Variants in ZNF565 observed in about 807,000 individuals in gnomAD.
ZNF565 encodes the protein zinc finger protein 565.
A neutral mutation model predicts 39.4 loss-of-function variants in ZNF565; 27 were observed. That is an observed-to-expected ratio of 0.69 (90% CI 0.51 to 0.95). The LOEUF (loss-of-function observed/expected upper bound fraction) is 0.95, where lower values mean the gene tolerates loss of function less well. Ranked by LOEUF, ZNF565 falls within the 40% of genes least tolerant of loss-of-function variation. The probability of loss-of-function intolerance (pLI) is 0.00; values close to 1 mark genes in which losing one functional copy is unlikely to be tolerated. For missense variants in ZNF565, 524 were observed against 621.1 expected (o/e 0.84, Z 1.66); for synonymous variants, 185 against 216.6 (o/e 0.85, Z 1.28).
At chr19:36,237,377 A>C in intron 1 of ZNF565, 1 of 1,527,852 alleles carries the variant, frequency 6.5e-7, no homozygotes. Context: ...GCACCTCATC[A>C]TGCCCCAGAA....
intron 1 of ZNF565, among the ~76,000 whole-genome samples, chr19:36,242,103 A>C (rs1977810733): frequency 6.6e-6 from 1 of 152,204 alleles, no homozygotes; most frequent in South Asian, 2.1e-4. Context: ...GCAGAATGGG[A>C]GAAAATATTT....
intron 1 of ZNF565, among the ~76,000 whole-genome samples, chr19:36,230,387 G>A (rs976866589): frequency 6.6e-5 from 10 of 152,184 alleles, no homozygotes; most frequent in Non-Finnish European, 1.3e-4. Flanking sequence ...TGGGGAGACA[G>A]ACAATGAGTA....
intron 1 of ZNF565, among the ~76,000 whole-genome samples, chr19:36,224,722 A>G (rs932556769): frequency 6.6e-6 from 1 of 152,112 alleles, no homozygotes; most frequent in Admixed American, 6.5e-5. Flanking sequence ...TTTTATTGGG[A>G]TTGCATTAAA....
chr19:36,199,026 A>G (rs2145335753), intron 2 of ZNF565, among the ~76,000 whole-genome samples: 1 of 152,350 alleles, frequency 6.6e-6, no homozygotes, highest in Non-Finnish European at 1.5e-5. Flanking sequence ...GTATCACAAC[A>G]TCTCATGTAC....
chr19:36,243,063 C>T (rs1046796776), intron 1 of ZNF565, among the ~76,000 whole-genome samples: 2 of 152,058 alleles, frequency 1.3e-5, no homozygotes, highest in Admixed American at 6.6e-5. Context: ...GGCAGAATTT[C>T]GCTCTTGTCC....
In ZNF565 at chr19:36,187,065, C is replaced by G. The variant is rs548377236; in HGVS notation, c.233-3332G>C. Among the ~76,000 whole-genome samples the G allele has an allele frequency of 2.0e-5, 3 of 152,104 alleles. No individual in the cohort carries two copies. In the East Asian group the frequency reaches 5.8e-4, roughly 30 times the overall value. On this transcript the variant is annotated intron_variant, in intron 4 of 4. Coordinates refer to ENST00000304116, the MANE Select transcript of ZNF565 (RefSeq NM_152477.5). The stretch of plus-strand genomic sequence containing the variant: ...ATTATCTGGGCATGGTGGCACATGC[C>G]TGTAATTCCAGCTACTCGGGAGGCT...
intron 1 of ZNF565, among the ~76,000 whole-genome samples, chr19:36,226,988 C>G (rs1230155291): frequency 1.3e-5 from 2 of 151,934 alleles, no homozygotes; most frequent in Non-Finnish European, 2.9e-5. Flanking sequence ...GAGGCTGAGA[C>G]AGGAGAATCA....
intron 1 of ZNF565, among the ~76,000 whole-genome samples, chr19:36,244,997 TTGTTG>T (rs1283113477): frequency 6.6e-6 from 1 of 152,156 alleles, no homozygotes; most frequent in African/African-American, 2.4e-5. Context: ...GTAATTTTCA[TTGTTG>T]TGTTTTGTTT....
At chr19:36,188,768 A>C (rs1277850011) in intron 4 of ZNF565, among the ~76,000 whole-genome samples, 1 of 152,160 alleles carries the variant, frequency 6.6e-6, no homozygotes, top group Non-Finnish European at 1.5e-5. Flanking sequence ...GTGAATAAAC[A>C]AAGTGTGTAT....
intron 1 of ZNF565, among the ~76,000 whole-genome samples, chr19:36,225,871 C>G (rs1977046038): frequency 6.6e-6 from 1 of 150,952 alleles, no homozygotes; most frequent in Non-Finnish European, 1.5e-5. Context: ...AGCAGTCCTC[C>G]TGCTTCAGGC....
chr19:36,212,650 C>T (rs991758036), intron 1 of ZNF565, among the ~76,000 whole-genome samples: 3 of 151,358 alleles, frequency 2.0e-5, no homozygotes, highest in Non-Finnish European at 4.4e-5. Context: ...AATGGGAATT[C>T]TATTGTTGCT....
At chr19:36,228,182 G>T (rs926491204) in intron 1 of ZNF565, among the ~76,000 whole-genome samples, 5 of 143,850 alleles carry the variant, frequency 3.5e-5, no homozygotes, top group Non-Finnish European at 7.6e-5. Context: ...AAAAAAGAAA[G>T]AATTTCACTC....
intron 4 of ZNF565, among the ~76,000 whole-genome samples, chr19:36,188,403 A>G (rs966293574): frequency 1.3e-5 from 2 of 151,152 alleles, no homozygotes; most frequent in African/African-American, 2.4e-5. Context: ...AAAACAAAAA[A>G]CAAACAACTC....
At chr19:36,222,533 T>C (rs995524839) in intron 1 of ZNF565, among the ~76,000 whole-genome samples, 1 of 152,190 alleles carries the variant, frequency 6.6e-6, no homozygotes. Flanking sequence ...AAACTCACCA[T>C]GAGTGTAGTG....
At chr19:36,233,473 C>T (rs886753535) in intron 1 of ZNF565, among the ~76,000 whole-genome samples, 2 of 151,848 alleles carry the variant, frequency 1.3e-5, no homozygotes, top group African/African-American at 4.8e-5. Flanking sequence ...CCCAGGGGAC[C>T]GGCGTTAGGG....
At chr19:36,197,068 G>A (rs77552944) in intron 2 of ZNF565, among the ~76,000 whole-genome samples, 3 of 147,346 alleles carry the variant, frequency 2.0e-5, no homozygotes, top group African/African-American at 7.5e-5. Flanking sequence ...AAAAAAAAAA[G>A]AAGTCCAGCC....
At chr19:36,217,155 C>T (rs184909490), upstream of ZNF565, among the ~76,000 whole-genome samples, 34 of 149,564 alleles carry the variant, frequency 2.3e-4, no homozygotes, top group Admixed American at 1.8e-3. Context: ...CTCTGCCCCC[C>T]AGGTTCAAGC....
intron 1 of ZNF565, among the ~76,000 whole-genome samples, chr19:36,209,245 C>G (rs549274715): frequency 6.6e-6 from 1 of 152,016 alleles, no homozygotes; most frequent in Non-Finnish European, 1.5e-5. Flanking sequence ...GAACAAAGAA[C>G]CGGGGCTGGG....
intron 1 of ZNF565, chr19:36,236,829 GT>G: frequency 6.2e-7 from 1 of 1,614,176 alleles, no homozygotes; most frequent in Middle Eastern, 1.6e-4. Context: ...CCCTTTGTAT[GT>G]AAGGAGTGTG....
Sources: gnomAD v4.1 joint callset for allele counts (sites outside exome capture counted in the v4.1 genomes callset) on GRCh38, gnomAD v4.1.1 for gene constraint, MANE v1.5 for transcripts, NCBI Gene and HGNC (gene_info 2026-07-23, HGNC 2026-07-21) for gene names.